The following SAP130 variants were observed in gnomAD, a reference collection of about 807,000 sequenced individuals.
The protein encoded by SAP130 is Sin3A associated protein 130, also known as histone deacetylase complex subunit SAP130.
A neutral mutation model predicts 103.2 loss-of-function variants in SAP130; 16 were observed. That is an observed-to-expected ratio of 0.16 (90% CI 0.10 to 0.24). SAP130 has a LOEUF of 0.24. Among genes scored for constraint, SAP130 ranks in the 10% least tolerant of loss-of-function variants. SAP130 has a pLI of 1.00. For synonymous variants in SAP130, 477 were observed against 497.0 expected, an observed-to-expected ratio of 0.96 and a Z score of 0.53; for missense variants, 990 against 1,359.7, an observed-to-expected ratio of 0.73 and a Z score of 4.28.
chr2:127,979,900 C>CA (rs1481633347), intron 14 of SAP130, among the ~76,000 whole-genome samples: 3 of 147,382 alleles, frequency 2.0e-5, no homozygotes, highest in African/African-American at 7.6e-5. Context: ...TTTTTTGAGA[C>CA]AGAGTCTCGC....
intron 15 of SAP130, among the ~76,000 whole-genome samples, chr2:127,974,952 T>C (rs541422600): frequency 6.6e-6 from 1 of 152,342 alleles, no homozygotes; most frequent in Admixed American, 6.5e-5. Flanking sequence ...CCACATAGTC[T>C]AGGTATGCAG....
At chr2:127,974,766 T>C (rs534247503) in intron 15 of SAP130, among the ~76,000 whole-genome samples, 13 of 152,338 alleles carry the variant, frequency 8.5e-5, no homozygotes, top group Non-Finnish European at 1.6e-4. Flanking sequence ...GGAGCCGAGA[T>C]TGAGCTACTG....
At chr2:127,965,159 T>C (rs1444239811) in intron 15 of SAP130, among the ~76,000 whole-genome samples, 1 of 152,040 alleles carries the variant, frequency 6.6e-6, no homozygotes, top group African/African-American at 2.4e-5. Context: ...TAGCTGGGCA[T>C]GGTGGTGTGC....
chr2:128,024,550 C>T (rs72841731), intron 2 of SAP130, among the ~76,000 whole-genome samples: 10,469 of 151,718 alleles, frequency 0.069, 497 homozygotes, highest in Non-Finnish European at 0.11. Context: ...CCCCTCTTTA[C>T]AAAAAAATTT....
intron 10 of SAP130, 108 bp downstream of exon 10, chr2:127,999,633 G>A (rs930221255): frequency 7.7e-5 from 41 of 532,560 alleles, no homozygotes; most frequent in Non-Finnish European, 1.1e-4. Context: ...AAAAAAAAGA[G>A]GAAATCAACA....
intron 14 of SAP130, among the ~76,000 whole-genome samples, chr2:127,985,460 G>C (rs1028808848): frequency 6.6e-6 from 1 of 152,178 alleles, no homozygotes; most frequent in Non-Finnish European, 1.5e-5. Flanking sequence ...TCTGCTCTCT[G>C]AAACATGTCT....
chr2:127,994,108 C>T (rs1683010436), intron 11 of SAP130, among the ~76,000 whole-genome samples: 1 of 152,054 alleles, frequency 6.6e-6, no homozygotes, highest in Non-Finnish European at 1.5e-5. Context: ...GAGAGAAATA[C>T]TTCAACATCA....
chr2:127,967,441 C>G (rs969999454), intron 15 of SAP130, among the ~76,000 whole-genome samples: 1 of 152,200 alleles, frequency 6.6e-6, no homozygotes, highest in Admixed American at 6.6e-5. Flanking sequence ...GCTCTGTTGC[C>G]CAGGCTGGAG....
intron 2 of SAP130, among the ~76,000 whole-genome samples, chr2:128,023,782 A>C (rs571352669): frequency 1.9e-4 from 29 of 152,178 alleles, no homozygotes; most frequent in Non-Finnish European, 3.7e-4. Context: ...GTCTCAGAAA[A>C]AAAGAAGACT....
Position 127,942,657 on chromosome 2 carries a change from A to C in SAP130, c.2902-120T>G, listed in dbSNP as rs1469601708. 1 of 652,646 alleles carries C rather than the reference A, an allele frequency of 1.5e-6. No individual in the cohort carries two copies. Among genetic ancestry groups the C allele is most frequent in the Non-Finnish European group, 2.7e-6 (1 of 365,994 alleles). The allele number at this position is 652,646 out of a possible 1,614,324, so 40.4% of individuals were successfully genotyped here. On this transcript the variant is annotated intron_variant, in intron 19 of 20. Coordinates refer to ENST00000643581, the MANE Select transcript of SAP130 (RefSeq NM_001330301.2). This position sits in a 1 kb window ranked among gnomAD's most constrained non-coding sequence, Gnocchi z 4.8. ...CTGTCTAAGAGTTGTTTGGGTGACA[A>C]CGTCCTTTCTCCTAAGGACTAAGAT...
At chr2:128,010,665 A>T (rs978060543) in intron 6 of SAP130, among the ~76,000 whole-genome samples, 21 of 152,176 alleles carry the variant, frequency 1.4e-4, no homozygotes, top group Non-Finnish European at 3.1e-4. Context: ...TTAAAAGACC[A>T]GCCTGGCTAA....
At chr2:127,950,058 A>G in intron 17 of SAP130, 64 bp from the exon 18 acceptor site, 1 of 1,609,216 alleles carries the variant, frequency 6.2e-7, no homozygotes, top group Non-Finnish European at 8.5e-7. Context: ...GTTCATTTCC[A>G]GTAAGTGAGG....
chr2:127,966,652 G>A (rs1008524411), intron 15 of SAP130, among the ~76,000 whole-genome samples: 8 of 152,084 alleles, frequency 5.3e-5, no homozygotes, highest in African/African-American at 1.9e-4. Flanking sequence ...GCAGTGAGCT[G>A]AGACTGCGCC....
chr2:128,006,535 G>C (rs1008054298), intron 7 of SAP130, among the ~76,000 whole-genome samples: 2 of 152,222 alleles, frequency 1.3e-5, no homozygotes, highest in African/African-American at 4.8e-5. Context: ...AGCACTTTGG[G>C]AGGCTGAGGC....
In SAP130 at chr2:127,986,772, C is replaced by G. The variant is rs1185080332; in HGVS notation, c.1958+13G>C. 1.2e-6 allele frequency: 2 copies of G among 1,611,276 alleles called. No homozygotes were observed. Among genetic ancestry groups the G allele is most frequent in the Middle Eastern group, 1.7e-4 (1 of 5,720 alleles). On this transcript the variant is annotated intron_variant, in intron 14 of 20. Coordinates refer to ENST00000643581, the MANE Select transcript of SAP130 (RefSeq NM_001330301.2). The surrounding 1 kb of genome is among the most constrained non-coding windows in gnomAD (Gnocchi z 4.7). Reference sequence around the variant, plus strand: ...AACCAGAGGTGTCATTCGGCACTACCAGGTCTACTCACCCATCTGTGGCAG... The same window carrying G: ...AACCAGAGGTGTCATTCGGCACTACGAGGTCTACTCACCCATCTGTGGCAG...
chr2:128,009,938 C>T (rs1194595585), intron 7 of SAP130, among the ~76,000 whole-genome samples: 1 of 152,108 alleles, frequency 6.6e-6, no homozygotes, highest in Non-Finnish European at 1.5e-5. Context: ...TCAACAAAGC[C>T]CTCTCCGACC....
rs1684664754 is a variant in SAP130 at position 128,014,924 on chromosome 2, AGAG to A, written c.508-13_508-11del. 2.5e-6 allele frequency: 4 copies of A among 1,606,712 alleles called. No individual in the cohort carries two copies. The highest frequency in any genetic ancestry group is 3.4e-6 in the Non-Finnish European group (4 of 1,173,284). ...GGTTACTGGGATGGCCCTGAAAGAAAGAGGATAGAACGTTATTTTTACATGTTT... is the reference window on the plus strand; with the variant it reads ...GGTTACTGGGATGGCCCTGAAAGAAAGATAGAACGTTATTTTTACATGTTT... On this transcript the variant is annotated splice_polypyrimidine_tract_variant and intron_variant, in intron 4 of 20. Coordinates refer to ENST00000643581, the MANE Select transcript of SAP130 (RefSeq NM_001330301.2).
intron 7 of SAP130, among the ~76,000 whole-genome samples, chr2:128,001,485 T>C (rs1683556890): frequency 6.6e-6 from 1 of 152,278 alleles, no homozygotes; most frequent in African/African-American, 2.4e-5. Context: ...CTCGGTATTC[T>C]TATTGTTAGT....
intron 15 of SAP130, among the ~76,000 whole-genome samples, chr2:127,969,384 AAGTTC>A (rs1290696708): frequency 6.6e-6 from 1 of 152,200 alleles, no homozygotes; most frequent in Admixed American, 6.5e-5. Context: ...AGCACAAGTC[AAGTTC>A]AGCATCCCTT....
Sources: gnomAD v4.1 joint callset for allele counts (sites outside exome capture counted in the v4.1 genomes callset) on GRCh38, gnomAD v4.1.1 for gene constraint, Gnocchi (gnomAD v3.1) non-coding constraint, MANE v1.5 for transcripts, NCBI Gene and HGNC (gene_info 2026-07-23, HGNC 2026-07-21) for gene names.